Variants in TMEM232 observed in about 807,000 individuals in gnomAD.
TMEM232 encodes transmembrane protein 232.
A neutral mutation model predicts 78.8 loss-of-function variants in TMEM232; 80 were observed. That is an observed-to-expected ratio of 1.01 (90% confidence interval 0.85 to 1.22). The LOEUF (loss-of-function observed/expected upper bound fraction) is 1.22, where lower values mean the gene tolerates loss of function less well. Ranked by LOEUF, TMEM232 falls within the 50% of genes most tolerant of loss-of-function variation. The probability of loss-of-function intolerance (pLI) is 0.00; values close to 1 mark genes in which losing one functional copy is unlikely to be tolerated. For missense variants in TMEM232, 881 were observed against 742.2 expected, an observed-to-expected ratio of 1.19 and a Z score of -2.17; for synonymous variants, 297 against 254.3, an observed-to-expected ratio of 1.17 and a Z score of -1.60.
chr5:110,448,469 T>A (rs1759906361), intron 12 of TMEM232, among the ~76,000 whole-genome samples: 1 of 152,080 alleles, frequency 6.6e-6, no homozygotes, highest in Non-Finnish European at 1.5e-5. Context: ...CTACAAAGAC[T>A]AGCAGTGAAC....
chr5:110,477,908 T>C (rs970667171), intron 12 of TMEM232, among the ~76,000 whole-genome samples: 5 of 151,938 alleles, frequency 3.3e-5, no homozygotes, highest in Non-Finnish European at 5.9e-5. Flanking sequence ...AAGAGACCAT[T>C]ATCCTGTGAC....
chr5:110,513,379 G>C (rs1360507136), intron 12 of TMEM232, among the ~76,000 whole-genome samples: 5 of 151,978 alleles, frequency 3.3e-5, no homozygotes, highest in Non-Finnish European at 7.4e-5. Flanking sequence ...AAAATAACTG[G>C]AAACCATATA....
Position 110,638,256 on chromosome 5 carries a change from AG to A in TMEM232, c.442del (p.Leu148CysfsTer16). 1.9e-6 allele frequency: 3 copies of A among 1,550,926 alleles called. No homozygotes were observed. Among genetic ancestry groups the A allele is most frequent in the Non-Finnish European group, 2.6e-6 (3 of 1,146,568 alleles). On this transcript the variant is annotated frameshift_variant, in exon 5 of 14. Coordinates refer to ENST00000455884, the MANE Select transcript of TMEM232 (RefSeq NM_001039763.4). LOFTEE classifies it high-confidence loss of function. ...TGTTTTGAGGGATGCATCACAACAC[AG>A]TCTGTATAAAACCGATTCCGCAACA... ...FFVAESVLYR[L>X]CCDASLKTYL...
intron 10 of TMEM232, among the ~76,000 whole-genome samples, chr5:110,579,638 G>A (rs572346141): frequency 1.3e-5 from 2 of 151,452 alleles, no homozygotes; most frequent in Admixed American, 6.6e-5. Context: ...TTTTAGGTAA[G>A]ACCCATATTA....
At chr5:110,523,472 G>C (rs1038565793) in intron 12 of TMEM232, among the ~76,000 whole-genome samples, 1 of 151,754 alleles carries the variant, frequency 6.6e-6, no homozygotes, top group East Asian at 1.9e-4. Flanking sequence ...TGTAAATTTA[G>C]GTTGTTTATT....
chr5:110,548,540 G>C (rs1031104928), intron 11 of TMEM232, among the ~76,000 whole-genome samples: 2 of 151,432 alleles, frequency 1.3e-5, no homozygotes, highest in East Asian at 3.9e-4. Context: ...AAAGGGGGCG[G>C]GGTGGAATGG....
At chr5:110,676,420 G>A (rs181448511) in intron 1 of TMEM232, among the ~76,000 whole-genome samples, 159 of 150,128 alleles carry the variant, frequency 1.1e-3, no homozygotes, top group African/African-American at 3.8e-3. Flanking sequence ...TTTTTAGACA[G>A]GGTCTCACTC....
chr5:110,507,565 C>T (rs183039916), intron 12 of TMEM232, among the ~76,000 whole-genome samples: 56 of 152,296 alleles, frequency 3.7e-4, no homozygotes, highest in African/African-American at 1.3e-3. Context: ...TTCTCAGGTT[C>T]TCAGAGTGGA....
At chr5:110,486,476 CTT>C (rs1764478694) in intron 12 of TMEM232, among the ~76,000 whole-genome samples, 1 of 152,062 alleles carries the variant, frequency 6.6e-6, no homozygotes, top group African/African-American at 2.4e-5. Context: ...CTCAATTCAT[CTT>C]GAGTTGATTT....
At chr5:110,549,457 G>A (rs1774187737) in intron 11 of TMEM232, among the ~76,000 whole-genome samples, 1 of 151,564 alleles carries the variant, frequency 6.6e-6, no homozygotes, top group African/African-American at 2.4e-5. Flanking sequence ...TCTACAAAAA[G>A]TTAACAAATA....
At chr5:110,467,748 TAAA>T (rs1361622821) in intron 12 of TMEM232, among the ~76,000 whole-genome samples, 1 of 152,152 alleles carries the variant, frequency 6.6e-6, no homozygotes, top group African/African-American at 2.4e-5. Flanking sequence ...CAAAAATAAA[TAAA>T]AATATATTTT....
At chr5:110,425,049 A>G (rs1757088614) in intron 12 of TMEM232, 133 bp from the exon 13 acceptor site, 1 of 712,934 alleles carries the variant, frequency 1.4e-6, no homozygotes, top group Non-Finnish European at 2.3e-6. Flanking sequence ...GTATTTGTGT[A>G]GACTATGGTA....
At chr5:110,712,026 C>A (rs990683478) in intron 1 of TMEM232, among the ~76,000 whole-genome samples, 1 of 148,732 alleles carries the variant, frequency 6.7e-6, no homozygotes, top group Non-Finnish European at 1.5e-5. Context: ...GGCGTGAACC[C>A]GGGAGGCAGA....
chr5:110,483,008 T>G (rs1378755214), intron 12 of TMEM232, among the ~76,000 whole-genome samples: 2 of 152,188 alleles, frequency 1.3e-5, no homozygotes, highest in Admixed American at 1.3e-4. Flanking sequence ...AAAGGCTGTA[T>G]AGTACTACAT....
At chr5:110,548,678 T>C (rs1774083206) in intron 11 of TMEM232, among the ~76,000 whole-genome samples, 1 of 151,948 alleles carries the variant, frequency 6.6e-6, no homozygotes, top group South Asian at 2.1e-4. Flanking sequence ...TATATTGCAG[T>C]GACAGTAAAT....
At chr5:110,403,337 T>G (rs1755672946) in intron 2 of TMEM232, among the ~76,000 whole-genome samples, 1 of 152,112 alleles carries the variant, frequency 6.6e-6, no homozygotes, top group Non-Finnish European at 1.5e-5. Context: ...TTACCATCAC[T>G]CTCAGCTAGA....
chr5:110,638,500 T>C (rs1357065739), intron 4 of TMEM232, 145 bp from the exon 5 acceptor site: 2 of 794,016 alleles, frequency 2.5e-6, no homozygotes, highest in African/African-American at 3.5e-5. Context: ...TTGACACCTT[T>C]CTCATCAAGA....
intron 1 of TMEM232, among the ~76,000 whole-genome samples, chr5:110,696,498 A>C (rs188581428): frequency 1.6e-4 from 24 of 152,300 alleles, no homozygotes; most frequent in Non-Finnish European, 3.1e-4. Flanking sequence ...AATTAGGAAA[A>C]AAGGAAGTCA....
chr5:110,660,954 G>A (rs915725971), intron 2 of TMEM232, among the ~76,000 whole-genome samples: 4 of 152,030 alleles, frequency 2.6e-5, no homozygotes, highest in African/African-American at 9.7e-5. Flanking sequence ...TTAACTGTAT[G>A]TTGTCCCCAT....
Sources: allele counts gnomAD v4.1 joint callset (sites outside exome capture counted in the v4.1 genomes callset), GRCh38; gene constraint gnomAD v4.1.1; transcripts MANE v1.5; gene names NCBI Gene and HGNC (gene_info 2026-07-23, HGNC 2026-07-21).